Variants in OR56A3 observed in about 807,000 individuals in gnomAD.
OR56A3 encodes the protein olfactory receptor family 56 subfamily A member 3.
In OR56A3, 23 loss-of-function variants were observed where a neutral mutation model predicts 17.5. That is an observed-to-expected ratio of 1.32 (90% CI 0.95 to 1.87). The LOEUF (loss-of-function observed/expected upper bound fraction) is 1.87. Among genes scored for constraint, OR56A3 ranks in the 40% most tolerant of loss-of-function variants. OR56A3 has a pLI of 0.00. For synonymous variants in OR56A3, 175 were observed against 150.6 expected (o/e 1.16, Z -1.19); for missense variants, 366 against 380.1 (o/e 0.96, Z 0.31).
the OR56A3 span, chr11:6,020,485 T>C: frequency 6.6e-6 from 1 of 152,170 alleles, no homozygotes; most frequent in African/African-American, 2.4e-5. Flanking sequence ...CTGATTTCTT[T>C]GAGCAGTGTT....
At position 5,951,309 on chromosome 11, in the gene OR56A3, C is replaced by T. The variant is rs931348087; in HGVS notation, c.*3015C>T. ...GGTTTATCAGAAGGTAAATGATAAA[C>T]ATTATTTGTAATTCATTAAATTTTT... On this transcript the variant is annotated 3_prime_UTR_variant, in exon 3 of 3. Coordinates refer to ENST00000641160, the MANE Select transcript of OR56A3 (RefSeq NM_001003443.3). 2.6e-5 allele frequency: 4 copies of T among 152,058 alleles called. No homozygotes were observed. Among genetic ancestry groups the T allele is most frequent in the African/African-American group, 9.7e-5 (4 of 41,418 alleles). The allele number at this position is 152,058 out of a possible 1,614,324, so 9.4% of individuals were successfully genotyped here.
At chr11:5,972,952 A>G in the OR56A3 span, among the ~76,000 whole-genome samples, 1 of 152,236 alleles carries the variant, frequency 6.6e-6, no homozygotes, top group East Asian at 1.9e-4. Context: ...CTACTTGACT[A>G]CACAGACCAT....
At chr11:5,979,895 T>C in the OR56A3 span, among the ~76,000 whole-genome samples, 2 of 152,176 alleles carry the variant, frequency 1.3e-5, no homozygotes, top group Non-Finnish European at 2.9e-5. Context: ...ATCTCTGTTC[T>C]CATTAGTTTC....
the OR56A3 span, among the ~76,000 whole-genome samples, chr11:5,975,477 G>A: frequency 2.7e-5 from 4 of 150,634 alleles, no homozygotes; most frequent in Non-Finnish European, 5.9e-5. Flanking sequence ...TTGTCCTTGC[G>A]ATAGTTTGCT....
the OR56A3 span, chr11:5,993,741 A>G: frequency 4.9e-6 from 1 of 205,854 alleles, no homozygotes; most frequent in African/African-American, 2.3e-5. Flanking sequence ...AAACATGTAA[A>G]AATGAATTTA....
At chr11:5,945,334 G>A (rs1219230618) in intron 2 of OR56A3, among the ~76,000 whole-genome samples, 1 of 152,064 alleles carries the variant, frequency 6.6e-6, no homozygotes, top group Non-Finnish European at 1.5e-5. Flanking sequence ...CAGCACTTTG[G>A]GAGGCTGAGG....
rs749847687 is a variant in OR56A3, at chr11:5,947,956, T to C, written c.610T>C (p.Phe204Leu). ...TGTCACCATCAATCACCTTTACCAA[T>C]TTGCTGGAGGCTGGACTCTGCTAGG... ...DDVTINHLYQ[F>L]AGGWTLLGSD... The change falls in exon 3 of 3, where the codon TTT (phenylalanine) becomes CTT (leucine). Residue 204 changes from phenylalanine to leucine, a missense_variant. Coordinates refer to ENST00000641160, the MANE Select transcript of OR56A3 (RefSeq NM_001003443.3). 4 of 1,614,196 alleles carry C rather than the reference T, an allele frequency of 2.5e-6. No individual in the cohort carries two copies. In the Admixed American group the frequency reaches 6.7e-5, roughly 27 times the overall value.
the OR56A3 span, among the ~76,000 whole-genome samples, chr11:5,990,093 C>A: frequency 6.6e-6 from 1 of 152,204 alleles, no homozygotes; most frequent in African/African-American, 2.4e-5. Context: ...ACCTCACACT[C>A]TAAGCCAGGC....
chr11:6,006,896 T>G, the OR56A3 span: 1 of 152,532 alleles, frequency 6.6e-6, no homozygotes, highest in Non-Finnish European at 1.5e-5. Flanking sequence ...CATAATTTCC[T>G]TGGCCCCACC....
At chr11:5,987,909 A>C in the OR56A3 span, among the ~76,000 whole-genome samples, 1 of 152,192 alleles carries the variant, frequency 6.6e-6, no homozygotes, top group African/African-American at 2.4e-5. Flanking sequence ...TCTAAAATGC[A>C]GATCTCATCA....
At chr11:5,946,290 C>T (rs996081379) in intron 2 of OR56A3, among the ~76,000 whole-genome samples, 2 of 152,184 alleles carry the variant, frequency 1.3e-5, no homozygotes, top group South Asian at 2.1e-4. Context: ...CATTCATTCT[C>T]GTTACACCCA....
chr11:5,961,784 T>A, the OR56A3 span, among the ~76,000 whole-genome samples: 34 of 151,804 alleles, frequency 2.2e-4, no homozygotes, highest in South Asian at 6.5e-3. Flanking sequence ...AGCGATTGCA[T>A]TGACTCTATA....
At chr11:6,002,365 A>G in the OR56A3 span, 2 of 1,614,088 alleles carry the variant, frequency 1.2e-6, no homozygotes, top group Non-Finnish European at 1.7e-6. Flanking sequence ...TCAGAGCCCA[A>G]CAGAGTCCAG....
At chr11:5,993,460 T>C in the OR56A3 span, among the ~76,000 whole-genome samples, 1 of 152,178 alleles carries the variant, frequency 6.6e-6, no homozygotes, top group African/African-American at 2.4e-5. Flanking sequence ...TCATCAACAA[T>C]GGCAGTTTTC....
At chr11:5,977,300 A>G in the OR56A3 span, among the ~76,000 whole-genome samples, 1 of 152,180 alleles carries the variant, frequency 6.6e-6, no homozygotes, top group South Asian at 2.1e-4. Context: ...ACTGCTTTCC[A>G]TAGTGGCTGA....
chr11:5,980,111 T>G, the OR56A3 span, among the ~76,000 whole-genome samples: 3 of 152,072 alleles, frequency 2.0e-5, no homozygotes, highest in African/African-American at 7.2e-5. Context: ...CTGAGCATGT[T>G]ATTGATTTTA....
At chr11:5,977,328 C>A in the OR56A3 span, among the ~76,000 whole-genome samples, 2 of 152,194 alleles carry the variant, frequency 1.3e-5, no homozygotes, top group African/African-American at 4.8e-5. Context: ...TACATTCCCA[C>A]CAGCAATGTA....
the OR56A3 span, among the ~76,000 whole-genome samples, chr11:5,998,595 C>G: frequency 9.2e-5 from 14 of 152,216 alleles, no homozygotes; most frequent in African/African-American, 3.4e-4. Flanking sequence ...CCAAGTGACA[C>G]CTGATTTTGA....
chr11:5,977,327 A>C, the OR56A3 span, among the ~76,000 whole-genome samples: 3 of 152,204 alleles, frequency 2.0e-5, no homozygotes. Flanking sequence ...TTACATTCCC[A>C]CCAGCAATGT....
Sources: gnomAD v4.1 joint callset for allele counts (sites outside exome capture counted in the v4.1 genomes callset) on GRCh38, gnomAD v4.1.1 for gene constraint, MANE v1.5 for transcripts, NCBI Gene and HGNC (gene_info 2026-07-23, HGNC 2026-07-21) for gene names.